Variants in WDR5 observed in about 807,000 individuals in gnomAD.
WDR5 encodes the protein WD repeat domain 5, also known as WD repeat-containing protein 5.
For synonymous variants in WDR5, 144 were observed against 161.6 expected (o/e 0.89, Z 0.83); for missense variants, 187 against 416.9 (o/e 0.45, Z 4.80).
chr9:134,138,928 C>T (rs1172677626), intron 1 of WDR5, among the ~76,000 whole-genome samples: 1 of 152,116 alleles, frequency 6.6e-6, no homozygotes, highest in South Asian at 2.1e-4. Context: ...AAATGCTGTC[C>T]CTCCTTTCCA....
intron 7 of WDR5, among the ~76,000 whole-genome samples, chr9:134,147,375 A>G (rs558251275): frequency 6.6e-6 from 1 of 152,296 alleles, no homozygotes; most frequent in African/African-American, 2.4e-5. Context: ...TCTCTGCCAT[A>G]GTAGCTCACC....
intron 13 of WDR5, among the ~76,000 whole-genome samples, 186 bp downstream of exon 13, chr9:134,156,779 C>T (rs1039670581): frequency 5.3e-5 from 8 of 152,294 alleles, no homozygotes; most frequent in Admixed American, 6.5e-5. Context: ...ACTGTGCTGC[C>T]GACTCAGACC....
Position 134,158,685 on chromosome 9 carries a change from A to G in WDR5, c.*692A>G, listed in dbSNP as rs1418729303. The G allele has an allele frequency of 6.6e-6, 1 of 152,202 alleles. No individual in the cohort carries two copies. The highest frequency in any genetic ancestry group is 1.9e-4 in the East Asian group (1 of 5,182). 9.4% of individuals were successfully genotyped at this position (152,202 alleles called of 1,614,324 possible). On this transcript the variant is annotated 3_prime_UTR_variant, in exon 14 of 14. Transcript: ENST00000358625. Reference sequence around the variant, plus strand: ...TGTAATAAAAGGTGGGGTTTTGTGAATGGTTGTGGCAAGTGCGTCCTTGTG... The same window carrying G: ...TGTAATAAAAGGTGGGGTTTTGTGAGTGGTTGTGGCAAGTGCGTCCTTGTG...
At position 134,136,484 on chromosome 9, in the gene WDR5, T is replaced by G. The variant is rs150932621; in HGVS notation, c.-59+284T>G. ...ACAAGGCCAGAGCGCCGGCACTGGG[T>G]CCTCTTTCCCGCAGGCAGCGTGCCC... On this transcript the variant is annotated intron_variant, in intron 1 of 13. Coordinates refer to ENST00000358625, the MANE Select transcript of WDR5 (RefSeq NM_017588.3). Among the ~76,000 whole-genome samples the G allele has an allele frequency of 8.9e-3, 1,351 of 151,802 alleles. 12 individuals carry two copies. The highest frequency in any genetic ancestry group is 0.014 in the Non-Finnish European group (970 of 67,890).
chr9:134,145,651 A>C (rs28493429), intron 7 of WDR5, among the ~76,000 whole-genome samples: 26,743 of 152,254 alleles, frequency 0.18, 4,434 homozygotes, highest in African/African-American at 0.44. Flanking sequence ...TTAGAGACTT[A>C]GAGGCATGTG....
Position 134,157,821 on chromosome 9 carries a change from G to A in WDR5, c.905-72G>A, listed in dbSNP as rs1191168386. 1.4e-6 allele frequency: 2 copies of A among 1,458,528 alleles called. No individual in the cohort carries two copies. The highest frequency in any genetic ancestry group is 1.7e-5 in the Admixed American group (1 of 58,646). The allele number at this position is 1,458,528 out of a possible 1,614,324, so 90.3% of individuals were successfully genotyped here. ...ACCCGCGTTTCTGGAGAAAGGTGGAGCTCAGTCTGGGATGGCGTCCCCGAC... is the reference window on the plus strand; with the variant it reads ...ACCCGCGTTTCTGGAGAAAGGTGGAACTCAGTCTGGGATGGCGTCCCCGAC... On this transcript the variant is annotated intron_variant, in intron 13 of 13. Coordinates refer to ENST00000358625, the MANE Select transcript of WDR5 (RefSeq NM_017588.3). The surrounding 1 kb of genome is among the most constrained non-coding windows in gnomAD (Gnocchi z 5.0).
chr9:134,137,108 A>AT (rs1831603218), intron 1 of WDR5, among the ~76,000 whole-genome samples: 2 of 152,230 alleles, frequency 1.3e-5, no homozygotes, highest in South Asian at 4.1e-4. Flanking sequence ...TCACAGGCAG[A>AT]TTCCTGGGCT....
At chr9:134,156,485 T>C (rs761238963) in intron 12 of WDR5, 21 bp from the exon 13 acceptor site, 3 of 1,612,856 alleles carry the variant, frequency 1.9e-6, no homozygotes, top group Admixed American at 3.3e-5. Context: ...TGCCCTGTTT[T>C]CCCTGCTTGT....
chr9:134,152,655 G>A (rs762775300), intron 9 of WDR5, among the ~76,000 whole-genome samples: 3 of 152,236 alleles, frequency 2.0e-5, no homozygotes, highest in East Asian at 1.9e-4. Context: ...GGGATGGGGC[G>A]CACCTTGAGG....
rs1452919176 is a variant in WDR5 at position 134,158,659 on chromosome 9, CTG to C, written c.*668_*669del. On this transcript the variant is annotated 3_prime_UTR_variant, in exon 14 of 14. Coordinates refer to ENST00000358625, the MANE Select transcript of WDR5 (RefSeq NM_017588.3). ...TCCCTGCAACAAGCAGCACCGCAGA[CTG>C]TAATAAAAGGTGGGGTTTTGTGAAT... 1 of 152,272 alleles carries C rather than the reference CTG, an allele frequency of 6.6e-6. No individual in the cohort carries two copies. The highest frequency in any genetic ancestry group is 1.5e-5 in the Non-Finnish European group (1 of 68,060). 9.4% of individuals were successfully genotyped at this position (152,272 alleles called of 1,614,324 possible).
rs1032033564 is a variant in WDR5 at position 134,136,141 on chromosome 9, G to T, written c.-118G>T. The T allele has an allele frequency of 2.8e-4, 40 of 143,226 alleles. No individual in the cohort carries two copies. The highest frequency in any genetic ancestry group is 9.6e-4 in the African/African-American group (38 of 39,686). 8.9% of individuals were successfully genotyped at this position (143,226 alleles called of 1,614,324 possible). A position where few individuals can be genotyped will look rare whatever the true frequency, so the allele number is the denominator to read the frequency against. ...CTTGTCGAGCTGAGTCCGCGCTCCC[G>T]CCCAGGCGGCGGCCGACGCGACGCC... On this transcript the variant is annotated 5_prime_UTR_variant, in exon 1 of 14. Transcript: ENST00000358625.
At chr9:134,136,353 C>T (rs1831552780) in intron 1 of WDR5, among the ~76,000 whole-genome samples, 153 bp downstream of exon 1, 1 of 150,766 alleles carries the variant, frequency 6.6e-6, no homozygotes, top group African/African-American at 2.4e-5. Context: ...GCGGCCCCGC[C>T]CGGGACCCCC....
intron 8 of WDR5, among the ~76,000 whole-genome samples, chr9:134,148,657 G>T (rs1458560606): frequency 6.6e-6 from 1 of 152,172 alleles, no homozygotes; most frequent in African/African-American, 2.4e-5. Flanking sequence ...TGGAAAATGG[G>T]TGTTTGGACC....
rs1051435800 is a variant in WDR5, at chr9:134,155,512, A to G, written c.741+139A>G. 4 of 1,336,282 alleles carry G rather than the reference A, an allele frequency of 3.0e-6. No homozygotes were observed. In the African/African-American group the frequency reaches 5.9e-5, roughly 20 times the overall value. The allele number at this position is 1,336,282 out of a possible 1,614,324, so 82.8% of individuals were successfully genotyped here. ...CCGCTGGGTTTGGTGCGAATTCCTG[A>G]AAGACCTGGGTATTTGTAGGGTGGC... On this transcript the variant is annotated intron_variant, in intron 11 of 13. Coordinates refer to ENST00000358625, the MANE Select transcript of WDR5 (RefSeq NM_017588.3).
chr9:134,146,742 C>T (rs544357410), intron 7 of WDR5, among the ~76,000 whole-genome samples: 1 of 152,318 alleles, frequency 6.6e-6, no homozygotes, highest in South Asian at 2.1e-4. Flanking sequence ...CTTGTTTTGT[C>T]TTGTTACTGT....
chr9:134,147,014 G>T (rs965204369), intron 7 of WDR5, among the ~76,000 whole-genome samples: 5 of 152,216 alleles, frequency 3.3e-5, no homozygotes, highest in Non-Finnish European at 7.3e-5. Flanking sequence ...TGATGGCCCA[G>T]AGCTCAGGGC....
intron 8 of WDR5, among the ~76,000 whole-genome samples, chr9:134,151,060 T>G (rs1418764030): frequency 6.6e-6 from 1 of 152,122 alleles, no homozygotes; most frequent in Non-Finnish European, 1.5e-5. Context: ...GGAGAGGCCC[T>G]CCCGCAGTGA....
At chr9:134,143,531 C>CTT (rs558531986) in intron 7 of WDR5, among the ~76,000 whole-genome samples, 55 of 137,902 alleles carry the variant, frequency 4.0e-4, no homozygotes, top group African/African-American at 1.2e-3. Context: ...GAAACTCTGT[C>CTT]TTTTTTTTTT....
chr9:134,137,320 G>T (rs957296486), intron 1 of WDR5, among the ~76,000 whole-genome samples: 1 of 152,140 alleles, frequency 6.6e-6, no homozygotes, highest in African/African-American at 2.4e-5. Flanking sequence ...CTTTCCTCAA[G>T]ATCAAGTCTC....
Sources: allele counts gnomAD v4.1 joint callset (sites outside exome capture counted in the v4.1 genomes callset), GRCh38; gene constraint gnomAD v4.1.1; non-coding constraint Gnocchi (gnomAD v3.1); transcripts MANE v1.5; gene names NCBI Gene and HGNC (gene_info 2026-07-23, HGNC 2026-07-21).